Variants in SERPINA12 observed in about 807,000 individuals in gnomAD.
The protein encoded by SERPINA12 is serpin A12.
SERPINA12 carries 21 observed loss-of-function variants against 25.9 expected under a neutral mutation model. That is an observed-to-expected ratio of 0.81 (90% confidence interval 0.58 to 1.17). SERPINA12 has a LOEUF of 1.17. SERPINA12 is among the 50% of genes most tolerant of loss of function. The pLI is 0.00. For synonymous variants in SERPINA12, 220 were observed against 196.0 expected (o/e 1.12, Z -1.02); for missense variants, 562 against 508.3 (o/e 1.11, Z -1.02).
intron 2 of SERPINA12, among the ~76,000 whole-genome samples, chr14:94,514,704 GACTC>G (rs1901190405): frequency 6.6e-6 from 1 of 152,216 alleles, no homozygotes; most frequent in Non-Finnish European, 1.5e-5. Flanking sequence ...CAGATCTAAG[GACTC>G]AGAGGAAGTG....
intron 2 of SERPINA12, 23 bp downstream of exon 2, chr14:94,497,741 C>A: frequency 6.3e-7 from 1 of 1,576,192 alleles, no homozygotes; most frequent in Non-Finnish European, 8.6e-7. Context: ...ATTCTTTCCA[C>A]ACCAACATGC....
intron 3 of SERPINA12, among the ~76,000 whole-genome samples, chr14:94,491,658 AG>A (rs1285358218): frequency 6.6e-6 from 1 of 152,044 alleles, no homozygotes; most frequent in Non-Finnish European, 1.5e-5. Context: ...AGACTGAATG[AG>A]GCATTTGAGG....
intron 2 of SERPINA12, 113 bp from the exon 3 acceptor site, chr14:94,496,756 G>T: frequency 1.2e-6 from 1 of 858,950 alleles, no homozygotes; most frequent in Non-Finnish European, 1.8e-6. Context: ...GGGATATTCC[G>T]GGATATCAGG....
At chr14:94,514,087 T>C (rs138496439), upstream of SERPINA12, among the ~76,000 whole-genome samples, 8 of 152,308 alleles carry the variant, frequency 5.3e-5, no homozygotes, top group East Asian at 1.4e-3. Flanking sequence ...CTCCCCACTG[T>C]CGAGAGGCTG....
chr14:94,498,098 C>T lies in SERPINA12; in HGVS notation c.300G>A (p.Gln100=). The T allele has an allele frequency of 6.2e-7, 1 of 1,614,162 alleles. No homozygotes were observed. The highest frequency in any genetic ancestry group is 1.7e-5 in the Admixed American group (1 of 60,024). ...CTGGCATCTTTCTGAAGTTGAACCC[C>T]TGCTTGATCTCGTCCAGGGTGCTGT... ...AQDSTLDEIK[Q]GFNFRKMPEK... is the part of the protein sequence containing the mutation. Residue 100 remains glutamine, a synonymous_variant, in exon 2 of 5, where the codon CAG becomes CAA. Coordinates refer to ENST00000677451, the MANE Select transcript of SERPINA12 (RefSeq NM_001382267.1).
intron 4 of SERPINA12, among the ~76,000 whole-genome samples, chr14:94,489,358 G>A (rs1334159621): frequency 3.3e-5 from 5 of 152,226 alleles, no homozygotes; most frequent in African/African-American, 1.2e-4. Context: ...CCTGATAACT[G>A]TTCCAGGCCT....
chr14:94,504,358 C>T (rs1423237452), intron 1 of SERPINA12: 1 of 152,228 alleles, frequency 6.6e-6, no homozygotes, highest in Non-Finnish European at 1.5e-5. Context: ...TGTGGCTTCC[C>T]TAATGAAGTC....
Position 94,487,462 on chromosome 14 carries a change from C to G in SERPINA12, c.1086G>C (p.Glu362Asp), listed in dbSNP as rs1321931526. The G allele has an allele frequency of 6.2e-7, 1 of 1,613,876 alleles. No homozygotes were observed. The highest frequency in any genetic ancestry group is 1.1e-5 in the South Asian group (1 of 91,006). Residue 362 changes from glutamate (E) to aspartate (D), a missense_variant, in exon 5 of 5, where the codon GAG becomes GAC. Physicochemically the swap from Glu to Asp is conservative, Grantham distance 45. Transcript: ENST00000677451. ...AVHKAELKMD[E>D]RGTEGAAGTG... ...TGCCAGCGGCCCCTTCCGTACCCCT[C>G]TCATCCATCTTCAGCTCAGCCTTGT...
rs750056451 is a variant in SERPINA12, at chr14:94,497,970, C to T, written c.428G>A (p.Arg143Lys). 4.3e-6 allele frequency: 7 copies of T among 1,614,046 alleles called. No homozygotes were observed. The Admixed American group carries it at 1.2e-4, about 27-fold the overall frequency. The change falls in exon 2 of 5, where the codon AGG becomes AAG. Residue 143 changes from arginine (R) to lysine (K), a missense_variant. By Grantham distance (26) the Arg-to-Lys change is conservative. Transcript: ENST00000677451. ...SIGNTLFIDQ[R>K]LQPQRKFLED... is the part of the protein sequence containing the mutation. Reference sequence around the variant, plus strand: ...CAAAAACTTACGCTGTGGCTGCAGCCTCTGGTCAATGAACAGCGTGTTCCC... The same window carrying T: ...CAAAAACTTACGCTGTGGCTGCAGCTTCTGGTCAATGAACAGCGTGTTCCC...
intron 1 of SERPINA12, among the ~76,000 whole-genome samples, chr14:94,502,945 C>T (rs370365456): frequency 1.3e-5 from 2 of 152,310 alleles, no homozygotes. Flanking sequence ...TTTCTGAGCG[C>T]CTCTTGGAAT....
intron 1 of SERPINA12, chr14:94,500,876 T>A: frequency 2.0e-6 from 2 of 985,322 alleles, no homozygotes; most frequent in Non-Finnish European, 2.4e-6. Flanking sequence ...TACGGGCAGA[T>A]ACATATTTTT....
intron 2 of SERPINA12, among the ~76,000 whole-genome samples, chr14:94,514,587 G>A (rs1470177469): frequency 6.6e-6 from 1 of 152,234 alleles, no homozygotes; most frequent in South Asian, 2.1e-4. Flanking sequence ...CTTGCTTTGG[G>A]CATTGGGGGT....
chr14:94,491,070 A>T (rs1900160439), intron 3 of SERPINA12, among the ~76,000 whole-genome samples: 1 of 152,166 alleles, frequency 6.6e-6, no homozygotes, highest in Non-Finnish European at 1.5e-5. Flanking sequence ...CTTTCCACTC[A>T]TTCATTCACT....
At chr14:94,510,744 C>T (rs1306633099), upstream of SERPINA12, among the ~76,000 whole-genome samples, 4 of 152,156 alleles carry the variant, frequency 2.6e-5, no homozygotes, top group Admixed American at 6.5e-5. Context: ...ATATACACAC[C>T]ATGGAATACC....
At chr14:94,493,048 G>T (rs1900244336) in intron 3 of SERPINA12, among the ~76,000 whole-genome samples, 1 of 152,186 alleles carries the variant, frequency 6.6e-6, no homozygotes, top group South Asian at 2.1e-4. Flanking sequence ...TAGGGAAAAG[G>T]TGATTTTTCT....
chr14:94,498,283 A>G lies in SERPINA12; in HGVS notation c.115T>C (p.Trp39Arg). The G allele has an allele frequency of 6.2e-7, 1 of 1,614,204 alleles. No homozygotes were observed. The highest frequency in any genetic ancestry group is 2.2e-5 in the East Asian group (1 of 44,880). ...NYKALSEVQG[W>R]KQRMAAKELA... Reference sequence around the variant, plus strand: ...TCCTTGGCTGCCATCCTTTGCTTCCATCCTTGGACCTCGCTCAAAGCTTTA... The same window carrying G: ...TCCTTGGCTGCCATCCTTTGCTTCCGTCCTTGGACCTCGCTCAAAGCTTTA... Residue 39 changes from tryptophan to arginine, a missense_variant, in exon 2 of 5, where the codon TGG becomes CGG. Physicochemically the swap from Trp to Arg is moderately radical, Grantham distance 101 (BLOSUM62 -3). Coordinates refer to ENST00000677451, the MANE Select transcript of SERPINA12 (RefSeq NM_001382267.1).
chr14:94,497,181 T>C (rs1900464908), intron 2 of SERPINA12, among the ~76,000 whole-genome samples: 1 of 152,214 alleles, frequency 6.6e-6, no homozygotes, highest in East Asian at 1.9e-4. Context: ...AAAGTTGAAA[T>C]TGGAAACATT....
At chr14:94,499,099 T>C (rs1595693733) in intron 1 of SERPINA12, among the ~76,000 whole-genome samples, 2 of 152,230 alleles carry the variant, frequency 1.3e-5, no homozygotes, top group Non-Finnish European at 2.9e-5. Flanking sequence ...TAGAGTTGGC[T>C]GGTTTGAGGT....
At chr14:94,500,259 C>G (rs907282704) in intron 1 of SERPINA12, among the ~76,000 whole-genome samples, 4 of 152,236 alleles carry the variant, frequency 2.6e-5, no homozygotes, top group African/African-American at 9.6e-5. Flanking sequence ...AGCATCCATT[C>G]TCCCAGCTTC....
Sources: gnomAD v4.1 joint callset for allele counts (sites outside exome capture counted in the v4.1 genomes callset) on GRCh38, gnomAD v4.1.1 for gene constraint, MANE v1.5 for transcripts, NCBI Gene and HGNC (gene_info 2026-07-23, HGNC 2026-07-21) for gene names.